C22orf42: variants seen among roughly 807,000 people sequenced by gnomAD.
The protein encoded by C22orf42 is chromosome 22 open reading frame 42.
A neutral mutation model predicts 31.4 loss-of-function variants in C22orf42; 24 were observed. The ratio of observed to expected loss-of-function variants is 0.77; its 90% CI spans 0.55 to 1.08. The LOEUF is 1.08. Ranked by LOEUF, C22orf42 falls within the 50% of genes least tolerant of loss-of-function variation. The pLI, the probability that C22orf42 is intolerant of heterozygous loss-of-function variation, is 0.00. For synonymous variants in C22orf42, 96 were observed against 112.7 expected (o/e 0.85, Z 0.94); for missense variants, 276 against 327.3 (o/e 0.84, Z 1.21).
intron 4 of C22orf42, 80 bp from the exon 5 acceptor site, chr22:32,151,631 G>C: frequency 1.4e-6 from 2 of 1,440,456 alleles, no homozygotes; most frequent in South Asian, 1.1e-5. Flanking sequence ...TGTGGACCGG[G>C]GCTGGAGTGT....
intron 8 of C22orf42, 65 bp from the exon 9 acceptor site, chr22:32,149,678 T>C: frequency 2.4e-6 from 3 of 1,236,410 alleles, no homozygotes; most frequent in Non-Finnish European, 3.1e-6. Flanking sequence ...TCTACATATA[T>C]GTATATCTAC....
At chr22:32,150,159 T>C (rs998867136) in intron 7 of C22orf42, among the ~76,000 whole-genome samples, 160 bp downstream of exon 7, 8 of 152,214 alleles carry the variant, frequency 5.3e-5, no homozygotes, top group Non-Finnish European at 5.9e-5. Context: ...TGGTGGACGA[T>C]GGCAATCGAA....
rs1330427787 is a variant in C22orf42, at chr22:32,159,232, C to A, written c.-17G>T. 12 of 1,609,252 alleles carry A rather than the reference C, an allele frequency of 7.5e-6. 1 individual carries two copies. The African/African-American group carries it at 1.2e-4, about 16-fold the overall frequency. Reference sequence around the variant, plus strand: ...GCTCCCCATTGGGCACCTAAACACACAAAAAAGTCCAAGAGGCACAAGGAC... The same window carrying A: ...GCTCCCCATTGGGCACCTAAACACAAAAAAAAGTCCAAGAGGCACAAGGAC... On this transcript the variant is annotated 5_prime_UTR_variant, in exon 1 of 9. Transcript: ENST00000382097.
chr22:32,158,225 G>A (rs547047495), intron 1 of C22orf42, among the ~76,000 whole-genome samples: 3 of 152,266 alleles, frequency 2.0e-5, no homozygotes, highest in East Asian at 1.9e-4. Flanking sequence ...TGATGACTGC[G>A]ACTTGAATGA....
intron 5 of C22orf42, 54 bp downstream of exon 5, chr22:32,151,433 A>G (rs1470813921): frequency 3.3e-6 from 5 of 1,522,174 alleles, no homozygotes; most frequent in Non-Finnish European, 4.6e-6. Context: ...ATATTCTAGA[A>G]GCCTCAGAAA....
In C22orf42 at chr22:32,149,736, G is replaced by A; in HGVS notation, c.682+17C>T. Reference sequence around the variant, plus strand: ...CTACATATATATCTATATATATCTAGATATATATATACTTACAGAGGTAAT... The same window carrying A: ...CTACATATATATCTATATATATCTAAATATATATATACTTACAGAGGTAAT... On this transcript the variant is annotated intron_variant, in intron 8 of 8. Coordinates refer to ENST00000382097, the MANE Select transcript of C22orf42 (RefSeq NM_001010859.3). 3 of 1,303,920 alleles carry A rather than the reference G, an allele frequency of 2.3e-6. No homozygotes were observed. Among genetic ancestry groups the A allele is most frequent in the Non-Finnish European group, 3.0e-6 (3 of 995,688 alleles). The allele number at this position is 1,303,920 out of a possible 1,614,324, so 80.8% of individuals were successfully genotyped here. A position where few individuals can be genotyped will look rare whatever the true frequency, so the allele number is the denominator to read the frequency against.
At chr22:32,156,200 C>A (rs1202392628) in intron 1 of C22orf42, among the ~76,000 whole-genome samples, 5 of 152,214 alleles carry the variant, frequency 3.3e-5, no homozygotes, top group Non-Finnish European at 7.4e-5. Flanking sequence ...TTAATAAATT[C>A]TAGTTTTATA....
In C22orf42 at chr22:32,149,400, G is replaced by A; in HGVS notation, c.*140C>T. ...AGAGGACTGGCTGCAGCCACAAACT[G>A]CAGGTCACTGTTCACAGGTGCTCAG... On this transcript the variant is annotated 3_prime_UTR_variant, in exon 9 of 9. Transcript: ENST00000382097. The A allele has an allele frequency of 9.5e-7, 1 of 1,047,120 alleles. No homozygotes were observed. Among genetic ancestry groups the A allele is most frequent in the Non-Finnish European group, 1.2e-6 (1 of 816,780 alleles). 64.9% of individuals were successfully genotyped at this position (1,047,120 alleles called of 1,614,324 possible).
rs2094111774 is a variant in C22orf42, at chr22:32,150,817, G to A, written c.493+175C>T. 3 of 680,886 alleles carry A rather than the reference G, an allele frequency of 4.4e-6. No individual in the cohort carries two copies. The South Asian group carries it at 5.2e-5, about 12-fold the overall frequency. The allele number at this position is 680,886 out of a possible 1,614,324, so 42.2% of individuals were successfully genotyped here. ...TGTGGGAGTTGGGAAAGACAGAGGA[G>A]TGACTACTAGTGGGGTTTCTTTGAG... On this transcript the variant is annotated intron_variant, in intron 6 of 8. Transcript: ENST00000382097.
At chr22:32,151,452 A>T in intron 5 of C22orf42, 35 bp downstream of exon 5, 1 of 1,591,652 alleles carries the variant, frequency 6.3e-7, no homozygotes, top group Non-Finnish European at 8.6e-7. Flanking sequence ...AAAAACAAAA[A>T]GCATTTCTCT....
intron 2 of C22orf42, 114 bp from the exon 3 acceptor site, chr22:32,152,740 A>C: frequency 1.1e-6 from 1 of 950,024 alleles, no homozygotes; most frequent in Non-Finnish European, 1.7e-6. Flanking sequence ...GTTGACAGGC[A>C]TGGACTGAGC....
At chr22:32,150,647 A>G in intron 6 of C22orf42, 168 bp from the exon 7 acceptor site, 1 of 673,418 alleles carries the variant, frequency 1.5e-6, no homozygotes, top group East Asian at 2.7e-5. Context: ...GCAAAGGAGA[A>G]GGGCAGAAAG....
chr22:32,149,472 T>C lies in C22orf42; in HGVS notation c.*68A>G, dbSNP rs193128843. ...GATTTTTTTTTCACCCAGATGGAAA[T>C]ATGCATTCATAAAATGATTTGAGCT... On this transcript the variant is annotated 3_prime_UTR_variant, in exon 9 of 9. Transcript: ENST00000382097. 1.6e-4 allele frequency: 230 copies of C among 1,440,004 alleles called. No individual in the cohort carries two copies. The highest frequency in any genetic ancestry group is 6.4e-4 in the Admixed American group (30 of 46,546). The allele number at this position is 1,440,004 out of a possible 1,614,324, so 89.2% of individuals were successfully genotyped here. A position where few individuals can be genotyped will look rare whatever the true frequency, so the allele number is the denominator to read the frequency against.
upstream of C22orf42, chr22:32,159,963 C>G (rs781306342): frequency 1.3e-5 from 2 of 152,244 alleles, no homozygotes; most frequent in African/African-American, 4.8e-5. Context: ...ATTTCTTTTA[C>G]TAACAATGCA....
Position 32,151,012 on chromosome 22 carries a change from G to C in C22orf42, c.473C>G (p.Ser158Cys), listed in dbSNP as rs62241568. 17 of 1,612,272 alleles carry C rather than the reference G, an allele frequency of 1.1e-5. No individual in the cohort carries two copies. The South Asian group carries it at 1.9e-4, about 18-fold the overall frequency. ...CGTACGGTGGTCGTGCTTGGCCTCA[G>C]ATATTTCCTGCAGTAAGAGAAAAGA... ...EENITSDIEI[S>C]EAKHDHHLVE... The change falls in exon 6 of 9, where the codon TCT (serine) becomes TGT (cysteine). Residue 158 changes from serine (S) to cysteine (C), a missense_variant. Ser to Cys is a moderately radical substitution (Grantham distance 112). Coordinates refer to ENST00000382097, the MANE Select transcript of C22orf42 (RefSeq NM_001010859.3).
At position 32,150,465 on chromosome 22, in the gene C22orf42, G is replaced by C. The variant is rs1186565175; in HGVS notation, c.508C>G (p.Leu170Val). The C allele has an allele frequency of 6.2e-7, 1 of 1,614,170 alleles. No individual in the cohort carries two copies. The highest frequency in any genetic ancestry group is 2.2e-5 in the East Asian group (1 of 44,876). ...AKHDHHLVED[L>V]SESLSVCLED... The stretch of plus-strand genomic sequence containing the variant: ...AGACAGACAGATAGGCTTTCACTGA[G>C]ATCTTCGACCAAATCTAGGAGAACA... Residue 170 changes from leucine (L) to valine (V), a missense_variant, in exon 7 of 9, where the codon CTC becomes GTC. Physicochemically the swap from Leu to Val is conservative, Grantham distance 32. Transcript: ENST00000382097.
intron 1 of C22orf42, among the ~76,000 whole-genome samples, chr22:32,157,002 G>A (rs1173837524): frequency 1.3e-5 from 2 of 152,188 alleles, no homozygotes; most frequent in Non-Finnish European, 2.9e-5. Context: ...GTATTGCCAC[G>A]TTTTTGGAAT....
At chr22:32,150,696 A>C in intron 6 of C22orf42, 1 of 627,414 alleles carries the variant, frequency 1.6e-6, no homozygotes, top group South Asian at 2.0e-5. Context: ...GAGCAACTTC[A>C]TCAATGTGAA....
At chr22:32,159,351 T>C, upstream of C22orf42, 1 of 1,442,846 alleles carries the variant, frequency 6.9e-7, no homozygotes, top group Middle Eastern at 2.2e-4. Flanking sequence ...AAACCTCCTA[T>C]GTCACCTGGT....
Sources: gnomAD v4.1 joint callset for allele counts (sites outside exome capture counted in the v4.1 genomes callset) on GRCh38, gnomAD v4.1.1 for gene constraint, MANE v1.5 for transcripts, NCBI Gene and HGNC (gene_info 2026-07-23, HGNC 2026-07-21) for gene names.